MCF2: variants seen among roughly 807,000 people sequenced by gnomAD.
MCF2 encodes MCF.2 cell line derived transforming sequence.
Under a neutral mutation model 82.5 loss-of-function variants are expected in MCF2, and 44 were observed. The observed-to-expected ratio is 0.53, with a 90% CI of 0.42 to 0.69. The LOEUF is 0.69. MCF2 is among the 30% of genes least tolerant of loss of function. MCF2 has a pLI of 0.00. For missense variants in MCF2, 623 were observed against 663.1 expected (o/e 0.94, Z 0.66); for synonymous variants, 217 against 224.9 (o/e 0.96, Z 0.32).
intron 1 of MCF2, among the ~76,000 whole-genome samples, chrX:139,699,531 G>A (rs1157425154): frequency 2.7e-5 from 3 of 111,937 alleles, no homozygotes; most frequent in Non-Finnish European, 5.6e-5. Context: ...CCAGCCCTAG[G>A]AAACCACTAA....
At chrX:139,703,606 G>A (rs1420993465) in intron 1 of MCF2, among the ~76,000 whole-genome samples, 1 of 111,317 alleles carries the variant, frequency 9.0e-6, no homozygotes, top group African/African-American at 3.3e-5. Context: ...ATGATGGCGG[G>A]TGCCTGTAAT....
intron 1 of MCF2, among the ~76,000 whole-genome samples, chrX:139,657,413 C>G (rs1291448058): frequency 8.9e-6 from 1 of 112,322 alleles, no homozygotes; most frequent in Admixed American, 9.4e-5. Context: ...CGCATCCAAT[C>G]AGTAGCTCTA....
chrX:139,610,188 A>T, intron 11 of MCF2, 113 bp downstream of exon 15: 1 of 485,835 alleles, frequency 2.1e-6, no homozygotes, highest in Admixed American at 4.8e-5. Flanking sequence ...TCTTTTAAAT[A>T]GTCTTTCAAA....
chrX:139,651,025 A>G (rs955513691), intron 2 of MCF2, among the ~76,000 whole-genome samples: 4 of 111,304 alleles, frequency 3.6e-5, no homozygotes, highest in African/African-American at 1.3e-4. Flanking sequence ...CAGGGGCTAG[A>G]GAGAGGAAGG....
chrX:139,686,659 T>C (rs1234489397), intron 1 of MCF2, among the ~76,000 whole-genome samples: 1 of 111,859 alleles, frequency 8.9e-6, no homozygotes, highest in African/African-American at 3.3e-5. Flanking sequence ...AAGCCAAAAA[T>C]GTTAGCATTA....
In MCF2 at chrX:139,672,252, A is replaced by G. The variant is rs181784236; in HGVS notation, c.-44-20464T>C. 7.4e-4 allele frequency among the ~76,000 whole-genome samples: 83 copies of G among 112,547 alleles called. 1 individual carries two copies. Among genetic ancestry groups the G allele is most frequent in the African/African-American group, 2.5e-3 (79 of 31,006 alleles). ...GGTTTTCTAAATATACAATCATGTC[A>G]TCTGCAAACAGGGACAATTTGGCTT... On this transcript the variant is annotated intron_variant, in intron 1 of 27. Transcript: ENST00000414978.
intron 19 of MCF2, among the ~76,000 whole-genome samples, chrX:139,590,929 T>G (rs758270575): frequency 9.0e-6 from 1 of 111,376 alleles, no homozygotes; most frequent in Non-Finnish European, 1.9e-5. Flanking sequence ...CTGAACGTAG[T>G]AAGAAGTTAT....
rs924506306 is a variant in MCF2, at chrX:139,585,002, G to A, written c.2745+64C>T. The A allele has an allele frequency of 9.4e-5, 72 of 768,275 alleles. No individual in the cohort carries two copies. The African/African-American group carries it at 1.4e-3, about 15-fold the overall frequency. 63.3% of individuals were successfully genotyped at this position (768,275 alleles called of 1,213,427 possible). A position where few individuals can be genotyped will look rare whatever the true frequency, so the allele number is the denominator to read the frequency against. ...TGCTGACAAAAGATTGCCCCTATGT[G>A]CTCCACCTATATTTCATCAGTAAAA... On this transcript the variant is annotated intron_variant, in intron 24 of 24. Transcript: ENST00000370576.
At chrX:139,645,066 G>C (rs1286437982), upstream of MCF2, among the ~76,000 whole-genome samples, 1 of 110,749 alleles carries the variant, frequency 9.0e-6, no homozygotes, top group Non-Finnish European at 1.9e-5. Flanking sequence ...CTAGATACCA[G>C]TAGGGAAGTT....
rs188921460 is a variant in MCF2 at position 139,587,887 on chromosome X, A to G, written c.2450-99T>C. 5 of 490,157 alleles carry G rather than the reference A, an allele frequency of 1.0e-5. No homozygotes were observed. In the East Asian group the frequency reaches 1.9e-4, roughly 18 times the overall value. The allele number at this position is 490,157 out of a possible 1,213,427, so 40.4% of individuals were successfully genotyped here. Reference sequence around the variant, plus strand: ...CTCTCTCACACACACACACACACACACACACGCATCCTTGCCATTAGACTT... The same window carrying G: ...CTCTCTCACACACACACACACACACGCACACGCATCCTTGCCATTAGACTT... On this transcript the variant is annotated intron_variant, in intron 21 of 24. Transcript: ENST00000370576.
At position 139,632,314 on chromosome X, in the gene MCF2, AT is replaced by A. The variant is rs1237336373; in HGVS notation, c.171+20del. On this transcript the variant is annotated intron_variant, in intron 2 of 24. Transcript: ENST00000370576. ...TTCATGAGAATTAGAGGAACAAAAC[AT>A]TTAAATAATATACTCTTACTGGTAA... 1 of 1,161,531 alleles carries A rather than the reference AT, an allele frequency of 8.6e-7. No homozygotes were observed. Among genetic ancestry groups the A allele is most frequent in the African/African-American group, 1.8e-5 (1 of 55,762 alleles).
At chrX:139,695,116 TG>T (rs1224079001) in intron 1 of MCF2, among the ~76,000 whole-genome samples, 2 of 108,379 alleles carry the variant, frequency 1.8e-5, no homozygotes, top group Non-Finnish European at 3.8e-5. Context: ...CTGCAACCTC[TG>T]CCTCCTGGGT....
intron 3 of MCF2, among the ~76,000 whole-genome samples, chrX:139,630,564 C>T (rs996416886): frequency 8.9e-6 from 1 of 112,275 alleles, no homozygotes; most frequent in African/African-American, 3.2e-5. Flanking sequence ...AAAGGCTAGG[C>T]ATTGCTAATT....
chrX:139,649,393 G>C (rs964143000), intron 2 of MCF2, among the ~76,000 whole-genome samples: 6 of 111,409 alleles, frequency 5.4e-5, no homozygotes, highest in Admixed American at 9.5e-5. Context: ...GGCCTCTATA[G>C]ATACAGTATG....
chrX:139,603,705 G>C (rs1447915216), intron 15 of MCF2, among the ~76,000 whole-genome samples: 10 of 110,538 alleles, frequency 9.0e-5, no homozygotes, highest in Non-Finnish European at 1.7e-4. Context: ...CGTGGTGGTG[G>C]GCACCTGTAG....
chrX:139,621,788 C>G (rs1341405700), intron 6 of MCF2, among the ~76,000 whole-genome samples: 1 of 111,288 alleles, frequency 9.0e-6, no homozygotes, highest in Non-Finnish European at 1.9e-5. Context: ...AGAAGAAAAC[C>G]TAGGCAATAC....
intron 2 of MCF2, among the ~76,000 whole-genome samples, chrX:139,649,212 C>T (rs756535532): frequency 8.9e-6 from 1 of 111,837 alleles, no homozygotes; most frequent in African/African-American, 3.2e-5. Flanking sequence ...TCAAACTAGT[C>T]CAAAGTATTA....
upstream of MCF2, chrX:139,646,912 A>G (rs1304931146): frequency 4.1e-6 from 4 of 968,749 alleles, no homozygotes. Context: ...ACCTACAACA[A>G]TAGAAAAATA....
intron 16 of MCF2, among the ~76,000 whole-genome samples, chrX:139,600,787 G>A (rs140255623): frequency 0.011 from 1,177 of 111,595 alleles, 10 homozygotes; most frequent in African/African-American, 0.036. Flanking sequence ...TACTCCTAAT[G>A]TAAGTGGACA....
Sources: gnomAD v4.1 joint callset for allele counts (sites outside exome capture counted in the v4.1 genomes callset) on GRCh38, gnomAD v4.1.1 for gene constraint, MANE v1.5 for transcripts, NCBI Gene and HGNC (gene_info 2026-07-23, HGNC 2026-07-21) for gene names.